Variants in ATRNL1 observed in about 807,000 individuals in gnomAD.
ATRNL1 encodes the protein attractin like 1, also known as attractin-like protein 1.
In ATRNL1, 95 loss-of-function variants were observed where a neutral mutation model predicts 182.7. The observed-to-expected ratio is 0.52, with a 90% CI of 0.44 to 0.62. The LOEUF is 0.62. Among genes scored for constraint, ATRNL1 ranks in the 20% least tolerant of loss-of-function variants. ATRNL1 has a pLI of 0.00. For synonymous variants in ATRNL1, 576 were observed against 568.3 expected (o/e 1.01, Z -0.19); for missense variants, 1,471 against 1,679.5 (o/e 0.88, Z 2.17).
At chr10:115,445,328 A>C (rs1455084846) in intron 21 of ATRNL1, among the ~76,000 whole-genome samples, 2 of 146,288 alleles carry the variant, frequency 1.4e-5, no homozygotes, top group African/African-American at 5.0e-5. Flanking sequence ...GTTACTCAGG[A>C]GCTGAGGCAC....
At chr10:115,468,186 A>G (rs1394148347) in intron 23 of ATRNL1, among the ~76,000 whole-genome samples, 1 of 150,744 alleles carries the variant, frequency 6.6e-6, no homozygotes, top group Non-Finnish European at 1.5e-5. Context: ...TTCATTAAGG[A>G]AAAATTCGTA....
At chr10:115,299,122 T>A (rs1554923618) in intron 15 of ATRNL1, among the ~76,000 whole-genome samples, 1 of 151,890 alleles carries the variant, frequency 6.6e-6, no homozygotes, top group East Asian at 1.9e-4. Context: ...TGACATCATT[T>A]CACATTGTAA....
chr10:115,238,013 G>GT (rs1850259585), intron 9 of ATRNL1, among the ~76,000 whole-genome samples: 1 of 151,982 alleles, frequency 6.6e-6, no homozygotes, highest in Non-Finnish European at 1.5e-5. Context: ...TTGTTGAATC[G>GT]TTTTTTCTAT....
At chr10:115,266,286 T>C (rs995666465) in intron 11 of ATRNL1, among the ~76,000 whole-genome samples, 1 of 151,728 alleles carries the variant, frequency 6.6e-6, no homozygotes, top group Non-Finnish European at 1.5e-5. Context: ...AGTTTTCTTA[T>C]TTTAAAAGAA....
At chr10:115,580,690 C>CTT (rs34768447) in intron 26 of ATRNL1, among the ~76,000 whole-genome samples, 9 of 151,302 alleles carry the variant, frequency 5.9e-5, no homozygotes, top group East Asian at 3.9e-4. Context: ...GTCCCTTTTT[C>CTT]TTTTTTTTCT....
chr10:115,172,136 T>C (rs962703247), intron 8 of ATRNL1, among the ~76,000 whole-genome samples: 1 of 152,016 alleles, frequency 6.6e-6, no homozygotes, highest in Non-Finnish European at 1.5e-5. Flanking sequence ...AAGACTCCCC[T>C]TCGAAATACT....
intron 27 of ATRNL1, 132 bp downstream of exon 27, chr10:115,727,487 T>A: frequency 1.5e-6 from 1 of 678,998 alleles, no homozygotes; most frequent in Non-Finnish European, 2.5e-6. Flanking sequence ...GCTACATATG[T>A]TATGCCATTT....
intron 21 of ATRNL1, among the ~76,000 whole-genome samples, chr10:115,454,472 A>G (rs1227723148): frequency 6.6e-6 from 1 of 152,100 alleles, no homozygotes; most frequent in East Asian, 1.9e-4. Context: ...ATTTGCAATG[A>G]ATCTGTAGAT....
intron 26 of ATRNL1, among the ~76,000 whole-genome samples, chr10:115,642,908 T>A (rs563831153): frequency 6.6e-6 from 1 of 152,166 alleles, no homozygotes; most frequent in South Asian, 2.1e-4. Context: ...AGAGGACTCT[T>A]TTGCACCCTC....
chr10:115,552,522 G>A (rs556378783), intron 26 of ATRNL1, among the ~76,000 whole-genome samples: 1 of 151,424 alleles, frequency 6.6e-6, no homozygotes, highest in South Asian at 2.1e-4. Flanking sequence ...TTTTCTAAAT[G>A]TAATGAAAGT....
At chr10:115,673,963 G>C (rs1945781289) in intron 26 of ATRNL1, among the ~76,000 whole-genome samples, 1 of 151,948 alleles carries the variant, frequency 6.6e-6, no homozygotes, top group African/African-American at 2.4e-5. Flanking sequence ...AGAACCCCAG[G>C]CTACATAAAA....
rs1848810573 is a variant in ATRNL1, at chr10:115,482,403, G to A, written c.3654+13074G>A. Among the ~76,000 whole-genome samples, 3 of 151,074 alleles carry A rather than the reference G, an allele frequency of 2.0e-5. No homozygotes were observed. The South Asian group carries it at 6.2e-4, about 31-fold the overall frequency. On this transcript the variant is annotated intron_variant, in intron 24 of 28. Transcript: ENST00000355044. ...AAAGTAAACACTTATGTAAGATAAT[G>A]TAAATTGTGGTAGTTTCAAAATTTC...
chr10:115,255,166 G>A (rs964925331), intron 10 of ATRNL1, among the ~76,000 whole-genome samples: 1 of 152,130 alleles, frequency 6.6e-6, no homozygotes, highest in African/African-American at 2.4e-5. Flanking sequence ...TTCCAATTCT[G>A]TGAAGAAAGT....
chr10:115,149,917 A>G (rs546158488), intron 5 of ATRNL1, among the ~76,000 whole-genome samples: 52 of 142,318 alleles, frequency 3.7e-4, no homozygotes, highest in Admixed American at 7.9e-4. Context: ...GAGAATTGGC[A>G]TTAATTCTTC....
chr10:115,846,526 T>C (rs1565431154), intron 27 of ATRNL1, among the ~76,000 whole-genome samples: 1 of 152,104 alleles, frequency 6.6e-6, no homozygotes. Context: ...ATTAAAGCCG[T>C]GGTACTTATT....
chr10:115,356,464 C>G (rs1856508316), intron 19 of ATRNL1, among the ~76,000 whole-genome samples: 1 of 151,920 alleles, frequency 6.6e-6, no homozygotes, highest in African/African-American at 2.4e-5. Context: ...TGTTTTCATT[C>G]TTTTTGTTTT....
chr10:115,875,714 G>A (rs1377223557), intron 28 of ATRNL1, among the ~76,000 whole-genome samples: 3 of 152,188 alleles, frequency 2.0e-5, no homozygotes, highest in Non-Finnish European at 2.9e-5. Flanking sequence ...GAACCTAACA[G>A]GTATGTTCCC....
chr10:115,508,221 A>G (rs1565115334), intron 24 of ATRNL1, among the ~76,000 whole-genome samples: 1 of 152,144 alleles, frequency 6.6e-6, no homozygotes, highest in East Asian at 1.9e-4. Context: ...CTGTACCTAT[A>G]TAAAACAAGT....
intron 19 of ATRNL1, among the ~76,000 whole-genome samples, chr10:115,356,554 T>C (rs1554942904): frequency 6.6e-6 from 1 of 151,992 alleles, no homozygotes; most frequent in East Asian, 1.9e-4. Context: ...TTAGCATGCC[T>C]TCATTATGGG....
Sources: allele counts gnomAD v4.1 joint callset (sites outside exome capture counted in the v4.1 genomes callset), GRCh38; gene constraint gnomAD v4.1.1; transcripts MANE v1.5; gene names NCBI Gene and HGNC (gene_info 2026-07-23, HGNC 2026-07-21).